The following AFF3 variants were observed in gnomAD, a reference collection of about 807,000 sequenced individuals.
The protein encoded by AFF3 is AF4/FMR2 family member 3.
In AFF3, 32 loss-of-function variants were observed where a neutral mutation model predicts 129.7. The observed-to-expected ratio is 0.25, with a 90% confidence interval of 0.19 to 0.33. The LOEUF is 0.33. AFF3 is among the 10% of genes least tolerant of loss of function. The pLI, the probability that AFF3 is intolerant of heterozygous loss-of-function variation, is 1.00. For missense variants in AFF3, 1,373 were observed against 1,592.0 expected (o/e 0.86, Z 2.34); for synonymous variants, 644 against 635.4 (o/e 1.01, Z -0.20).
intron 13 of AFF3, among the ~76,000 whole-genome samples, chr2:99,604,160 G>A (rs1165545817): frequency 6.6e-6 from 1 of 152,106 alleles, no homozygotes; most frequent in Middle Eastern, 3.2e-3. Context: ...CTATCATAAA[G>A]ACACATGCAC....
intron 7 of AFF3, among the ~76,000 whole-genome samples, chr2:99,935,592 C>T (rs1156347129): frequency 1.3e-5 from 2 of 152,112 alleles, no homozygotes; most frequent in African/African-American, 4.8e-5. Context: ...GTGGGCCATC[C>T]CAATGATGGA....
In AFF3 at chr2:100,007,156, T is replaced by C; in HGVS notation, c.479A>G (p.Gln160Arg). The C allele has an allele frequency of 1.2e-6, 2 of 1,614,138 alleles. No homozygotes were observed. Among genetic ancestry groups the C allele is most frequent in the Non-Finnish European group, 1.7e-6 (2 of 1,179,984 alleles). The change falls in exon 6 of 25, where the codon CAG (glutamine) becomes CGG (arginine). Residue 160 changes from glutamine to arginine, a missense_variant. Gln to Arg is a conservative substitution (Grantham distance 43, BLOSUM62 1). Around this residue, in one of 9 missense-constraint regions of AFF3, gnomAD observed 255 missense variants for 256.0 expected, o/e 1.00. Coordinates refer to ENST00000672756, the MANE Select transcript of AFF3 (RefSeq NM_001386135.1). ...CCTGTGCCTGTGCTTACTTGCTCTC[T>C]GTTGGCCGTCAGAGGGTGGGTGCCC... The part of the protein sequence containing the change: ...KAGHPPSDGQ[Q>R]RATQQGSLRT...
intron 11 of AFF3, among the ~76,000 whole-genome samples, chr2:99,691,569 T>TA (rs5832877): frequency 0.51 from 78,026 of 151,966 alleles, 20,148 homozygotes; most frequent in East Asian, 0.66. Context: ...GAGAATTTTT[T>TA]AGAGGTGAAG....
intron 8 of AFF3, among the ~76,000 whole-genome samples, chr2:99,829,040 C>G (rs975672172): frequency 1.7e-4 from 26 of 152,106 alleles, no homozygotes; most frequent in Non-Finnish European, 2.8e-4. Context: ...CCAGTTTTAC[C>G]ATAGGCTAAT....
intron 12 of AFF3, among the ~76,000 whole-genome samples, chr2:99,671,833 A>G (rs1000809669): frequency 2.0e-5 from 3 of 152,210 alleles, no homozygotes; most frequent in African/African-American, 7.2e-5. Context: ...TTTGAAATAC[A>G]AACATTTCTT....
chr2:99,587,226 T>C lies in AFF3; in HGVS notation c.2519A>G (p.Asp840Gly), dbSNP rs1678208666. The change falls in exon 16 of 25, where the codon GAC becomes GGC. Residue 840 changes from aspartate to glycine, a missense_variant. Asp to Gly is a moderately conservative substitution (Grantham distance 94, BLOSUM62 -1). Around this residue, in one of 9 missense-constraint regions of AFF3, gnomAD observed 466 missense variants for 505.0 expected, o/e 0.92. Transcript: ENST00000672756. ...GGAGGTGGCCAGTCTTGAAGAGCTG[T>C]CTTTCTCTCCCTGGGACTTCTTGAT... ...REIKKSQGEK[D>G]SSSRLATSTS... 6.2e-7 allele frequency: 1 copy of C among 1,614,194 alleles called. No individual in the cohort carries two copies. Among genetic ancestry groups the C allele is most frequent in the Admixed American group, 1.7e-5 (1 of 60,022 alleles).
chr2:100,138,938 C>T (rs1692744573), intron 1 of AFF3, among the ~76,000 whole-genome samples: 1 of 70,200 alleles, frequency 1.4e-5, no homozygotes, highest in Non-Finnish European at 2.5e-5. Context: ...GAGCAAGACT[C>T]TGTCTCAAAA....
chr2:99,816,464 T>C (rs150362550), intron 8 of AFF3, among the ~76,000 whole-genome samples: 29 of 152,294 alleles, frequency 1.9e-4, no homozygotes, highest in African/African-American at 4.3e-4. Flanking sequence ...GGTAAGCACA[T>C]TGCATGCTTG....
intron 8 of AFF3, among the ~76,000 whole-genome samples, chr2:99,756,360 A>C (rs1022582827): frequency 2.0e-5 from 3 of 152,306 alleles, no homozygotes; most frequent in African/African-American, 7.2e-5. Flanking sequence ...CTTGAGCCTC[A>C]CTTTGATCCC....
At chr2:99,795,570 T>C (rs1685501713) in intron 8 of AFF3, among the ~76,000 whole-genome samples, 1 of 152,164 alleles carries the variant, frequency 6.6e-6, no homozygotes, top group African/African-American at 2.4e-5. Context: ...GTGGGGATAA[T>C]GAGCATAAAC....
At chr2:99,705,084 G>A (rs1196617502) in intron 11 of AFF3, among the ~76,000 whole-genome samples, 3 of 152,180 alleles carry the variant, frequency 2.0e-5, no homozygotes, top group South Asian at 2.1e-4. Context: ...TAGACGGTTC[G>A]AAGAAGGCCT....
chr2:99,833,895 AAC>A (rs1688677207), intron 8 of AFF3, among the ~76,000 whole-genome samples: 1 of 152,194 alleles, frequency 6.6e-6, no homozygotes, highest in African/African-American at 2.4e-5. Flanking sequence ...ATTTTGCAAT[AAC>A]ACACAGATTT....
intron 13 of AFF3, among the ~76,000 whole-genome samples, chr2:99,642,877 G>A (rs1257636582): frequency 6.6e-6 from 1 of 152,054 alleles, no homozygotes; most frequent in African/African-American, 2.4e-5. Flanking sequence ...GGGTTGTTGT[G>A]AGGATCATAA....
chr2:99,861,818 C>G (rs984733751), intron 7 of AFF3, among the ~76,000 whole-genome samples: 1 of 152,160 alleles, frequency 6.6e-6, no homozygotes, highest in Non-Finnish European at 1.5e-5. Context: ...ACCCCCTTCA[C>G]CATCCTAATT....
chr2:100,053,574 G>A (rs1206060812), intron 4 of AFF3, among the ~76,000 whole-genome samples: 1 of 152,190 alleles, frequency 6.6e-6, no homozygotes, highest in African/African-American at 2.4e-5. Flanking sequence ...CTTTGACATG[G>A]GGTGGGAGCA....
intron 4 of AFF3, 140 bp from the exon 5 acceptor site, chr2:100,009,072 G>C: frequency 8.5e-7 from 1 of 1,177,642 alleles, no homozygotes; most frequent in Non-Finnish European, 1.2e-6. Context: ...ACAAAAGCCA[G>C]AGTCATCAGG....
chr2:100,077,589 G>A (rs767457314), intron 4 of AFF3, among the ~76,000 whole-genome samples: 1 of 152,158 alleles, frequency 6.6e-6, no homozygotes, highest in Non-Finnish European at 1.5e-5. Context: ...CTAAATTTGT[G>A]GTAATTTGTT....
chr2:99,825,881 A>G (rs1688043384), intron 8 of AFF3, among the ~76,000 whole-genome samples: 1 of 152,230 alleles, frequency 6.6e-6, no homozygotes, highest in African/African-American at 2.4e-5. Context: ...CAGTCTTGGC[A>G]GTCCTTGGAG....
chr2:100,107,190 C>T (rs1691341209), intron 2 of AFF3: 15 of 985,312 alleles, frequency 1.5e-5, no homozygotes, highest in Non-Finnish European at 1.8e-5. Context: ...ATAGTAGTTG[C>T]AGATCCTGTT....
Sources: gnomAD v4.1 joint callset for allele counts (sites outside exome capture counted in the v4.1 genomes callset) on GRCh38, gnomAD v4.1.1 for gene constraint, gnomAD v4.1.1 regional missense constraint, MANE v1.5 for transcripts, NCBI Gene and HGNC (gene_info 2026-07-23, HGNC 2026-07-21) for gene names.